ADARB2: variants seen among roughly 807,000 people sequenced by gnomAD.
ADARB2 encodes the protein adenosine deaminase RNA specific B2 (inactive).
A neutral mutation model predicts 62.2 loss-of-function variants in ADARB2; 25 were observed. The ratio of observed to expected loss-of-function variants is 0.40; its 90% CI spans 0.29 to 0.56. The LOEUF is 0.56. ADARB2 is among the 20% of genes least tolerant of loss of function. The pLI is 0.43. For missense variants in ADARB2, 1,071 were observed against 1,077.4 expected (o/e 0.99, Z 0.08); for synonymous variants, 572 against 500.8 (o/e 1.14, Z -1.90).
chr10:1,620,938 C>G (rs894956081), intron 1 of ADARB2, among the ~76,000 whole-genome samples: 2 of 152,212 alleles, frequency 1.3e-5, no homozygotes, highest in African/African-American at 2.4e-5. Flanking sequence ...CTTAACAACT[C>G]TGAGTACAAT....
At chr10:1,638,954 G>A (rs1001444601) in intron 1 of ADARB2, among the ~76,000 whole-genome samples, 38 of 152,332 alleles carry the variant, frequency 2.5e-4, no homozygotes, top group South Asian at 1.2e-3. Flanking sequence ...TGCCTTGCCT[G>A]CACTCACACG....
At chr10:1,588,176 T>G in intron 1 of ADARB2, among the ~76,000 whole-genome samples, 1 of 152,160 alleles carries the variant, frequency 6.6e-6, no homozygotes, top group East Asian at 1.9e-4. Flanking sequence ...CAAGCAGTTC[T>G]AAGCTCACAG....
Position 1,398,805 on chromosome 10 carries a change from T to C in ADARB2, c.101-19645A>G, listed in dbSNP as rs746392039. 2.2e-4 allele frequency among the ~76,000 whole-genome samples: 34 copies of C among 152,278 alleles called. No homozygotes were observed. Among genetic ancestry groups the C allele is most frequent in the Non-Finnish European group, 3.8e-4 (26 of 68,024 alleles). On this transcript the variant is annotated intron_variant, in intron 1 of 9. Transcript: ENST00000381312. This position sits in a 1 kb window ranked among gnomAD's most constrained non-coding sequence, Gnocchi z 4.1. ...TTACCTGAGAGGCCAGGTTCACATT[T>C]GGGAAGAAGAGATTTTCTCCCTCCG...
intron 1 of ADARB2, among the ~76,000 whole-genome samples, chr10:1,446,033 A>G (rs573304002): frequency 5.5e-4 from 83 of 149,648 alleles, no homozygotes; most frequent in Non-Finnish European, 9.5e-4. Flanking sequence ...GTAAGGTTCT[A>G]TCTTTAACAC....
At chr10:1,329,087 A>ATTAAATAT (rs1290303835) in intron 3 of ADARB2, among the ~76,000 whole-genome samples, 3 of 150,598 alleles carry the variant, frequency 2.0e-5, no homozygotes, top group Admixed American at 2.0e-4. Flanking sequence ...CACTGCTCTG[A>ATTAAATAT]TTAAATATGA....
intron 4 of ADARB2, among the ~76,000 whole-genome samples, chr10:1,259,739 C>G (rs1298005294): frequency 6.6e-6 from 1 of 152,208 alleles, no homozygotes; most frequent in Admixed American, 6.5e-5. Flanking sequence ...GAACTGGTAC[C>G]ATTCCTTCTG....
At chr10:1,454,845 A>C (rs750436233) in intron 1 of ADARB2, among the ~76,000 whole-genome samples, 14 of 152,228 alleles carry the variant, frequency 9.2e-5, no homozygotes, top group Non-Finnish European at 1.8e-4. Context: ...ATTTTACCAT[A>C]ATTTAAAAAA....
At chr10:1,676,380 A>G (rs761235158) in intron 1 of ADARB2, among the ~76,000 whole-genome samples, 1 of 152,128 alleles carries the variant, frequency 6.6e-6, no homozygotes, top group Non-Finnish European at 1.5e-5. Context: ...ACTTGTATAG[A>G]CTTAGATATT....
At chr10:1,647,499 G>GTA (rs1834058695) in intron 1 of ADARB2, among the ~76,000 whole-genome samples, 2 of 152,046 alleles carry the variant, frequency 1.3e-5, no homozygotes, top group South Asian at 4.1e-4. Flanking sequence ...ATATACATGT[G>GTA]TATATATATG....
At chr10:1,572,953 C>G (rs906439624) in intron 1 of ADARB2, among the ~76,000 whole-genome samples, 1 of 152,248 alleles carries the variant, frequency 6.6e-6, no homozygotes, top group Non-Finnish European at 1.5e-5. Context: ...GCAGCGGTGA[C>G]CTTTCTCCAC....
intron 1 of ADARB2, chr10:1,678,356 G>A (rs975686333): frequency 1.0e-6 from 1 of 984,912 alleles, no homozygotes; most frequent in Non-Finnish European, 1.2e-6. Context: ...ACCTCGGAGT[G>A]AGTGACCTCG....
intron 3 of ADARB2, among the ~76,000 whole-genome samples, chr10:1,303,875 C>T (rs1429876995): frequency 6.5e-4 from 98 of 151,714 alleles, no homozygotes; most frequent in Non-Finnish European, 1.2e-3. Flanking sequence ...CTGGAGGAAG[C>T]ACTAAACATG....
intron 3 of ADARB2, among the ~76,000 whole-genome samples, chr10:1,307,533 G>A (rs1486713153): frequency 1.4e-5 from 2 of 142,772 alleles, no homozygotes; most frequent in African/African-American, 5.1e-5. Context: ...CATTCCTCAG[G>A]GATCTAGAAC....
intron 6 of ADARB2, among the ~76,000 whole-genome samples, chr10:1,226,729 T>C (rs915462146): frequency 2.8e-4 from 43 of 152,320 alleles, no homozygotes; most frequent in African/African-American, 1.0e-3. Flanking sequence ...ACAGCAGATA[T>C]TGGTGAACCG....
chr10:1,655,017 G>A (rs560655415), intron 1 of ADARB2, among the ~76,000 whole-genome samples: 7 of 152,340 alleles, frequency 4.6e-5, no homozygotes, highest in Admixed American at 2.6e-4. Flanking sequence ...GGGTGAGGAC[G>A]CGGTCGGGAG....
chr10:1,444,041 C>A (rs962973130), intron 1 of ADARB2, among the ~76,000 whole-genome samples: 2 of 150,478 alleles, frequency 1.3e-5, no homozygotes, highest in Admixed American at 1.3e-4. Flanking sequence ...ATCCATCCAT[C>A]TATCCATCCA....
intron 4 of ADARB2, among the ~76,000 whole-genome samples, chr10:1,260,653 G>C (rs1316632282): frequency 6.6e-6 from 1 of 151,460 alleles, no homozygotes; most frequent in African/African-American, 2.4e-5. Context: ...AAATAAAAGA[G>C]GATACAAACA....
intron 1 of ADARB2, among the ~76,000 whole-genome samples, chr10:1,445,568 A>T (rs74462902): frequency 0.075 from 11,379 of 152,222 alleles, 579 homozygotes; most frequent in East Asian, 0.23. Flanking sequence ...CTGTCCTTCC[A>T]TTATTTACAT....
At position 1,444,039 on chromosome 10, in the gene ADARB2, A is replaced by G. The variant is rs533169889; in HGVS notation, c.101-64879T>C. On this transcript the variant is annotated intron_variant, in intron 1 of 9. Coordinates refer to ENST00000381312, the MANE Select transcript of ADARB2 (RefSeq NM_018702.4). The stretch of plus-strand genomic sequence containing the variant: ...CATCCATCCATCCATCCATCCATCC[A>G]TCTATCCATCCATGCACCCACACAC... Among the ~76,000 whole-genome samples, 3 of 149,826 alleles carry G rather than the reference A, an allele frequency of 2.0e-5. No homozygotes were observed. The East Asian group carries it at 6.1e-4, about 30-fold the overall frequency.
Sources: gnomAD v4.1 joint callset for allele counts (sites outside exome capture counted in the v4.1 genomes callset) on GRCh38, gnomAD v4.1.1 for gene constraint, Gnocchi (gnomAD v3.1) non-coding constraint, MANE v1.5 for transcripts, NCBI Gene and HGNC (gene_info 2026-07-23, HGNC 2026-07-21) for gene names.